UBE2D2: variants seen among roughly 807,000 people sequenced by gnomAD.
The protein encoded by UBE2D2 is ubiquitin conjugating enzyme E2 D2.
A neutral mutation model predicts 24.2 loss-of-function variants in UBE2D2; 2 were observed. The observed-to-expected ratio is 0.08, with a 90% CI of 0.03 to 0.26. UBE2D2 has a LOEUF of 0.26. UBE2D2 is among the 10% of genes least tolerant of loss of function. The probability of loss-of-function intolerance (pLI) is 1.00; values close to 1 mark genes in which losing one functional copy is unlikely to be tolerated. For missense variants in UBE2D2, 44 were observed against 177.6 expected (o/e 0.25, Z 4.28); for synonymous variants, 58 against 56.5 (o/e 1.03, Z -0.12).
At chr5:139,609,138 TAG>T (rs1754260372) in intron 2 of UBE2D2, among the ~76,000 whole-genome samples, 1 of 152,074 alleles carries the variant, frequency 6.6e-6, no homozygotes, top group African/African-American at 2.4e-5. Context: ...TTAAGTCTGG[TAG>T]TAGTATTAGC....
upstream of UBE2D2, among the ~76,000 whole-genome samples, chr5:139,558,539 C>T (rs1473886489): frequency 6.6e-6 from 1 of 152,152 alleles, no homozygotes. Context: ...CCGCCCGCCT[C>T]GGCCTCCCAA....
At chr5:139,547,432 T>A (rs920900374) in intron 1 of UBE2D2, among the ~76,000 whole-genome samples, 7 of 152,022 alleles carry the variant, frequency 4.6e-5, no homozygotes, top group Admixed American at 3.9e-4. Flanking sequence ...GCCAGGATGG[T>A]CTCAATCTCT....
chr5:139,555,051 G>GTT (rs796934983), intron 1 of UBE2D2: 5 of 140,814 alleles, frequency 3.6e-5, no homozygotes, highest in Non-Finnish European at 3.1e-5. Flanking sequence ...TTTGTTTTTT[G>GTT]TTTTTTTTTT....
chr5:139,574,613 C>T (rs908611047), intron 1 of UBE2D2, among the ~76,000 whole-genome samples: 5 of 151,844 alleles, frequency 3.3e-5, no homozygotes, highest in African/African-American at 1.2e-4. Context: ...GATTATTCCC[C>T]TATTTAGACT....
At chr5:139,593,136 C>T (rs1276763902) in intron 1 of UBE2D2, among the ~76,000 whole-genome samples, 5 of 151,716 alleles carry the variant, frequency 3.3e-5, no homozygotes, top group Non-Finnish European at 7.4e-5. Context: ...GCTGGGACTA[C>T]AGGCAAGCGC....
At chr5:139,527,133 G>A (rs1433922732) in intron 1 of UBE2D2, among the ~76,000 whole-genome samples, 2 of 152,198 alleles carry the variant, frequency 1.3e-5, no homozygotes, top group African/African-American at 2.4e-5. Flanking sequence ...AACTTTGTGT[G>A]AAATAGACTG....
intron 1 of UBE2D2, among the ~76,000 whole-genome samples, chr5:139,530,362 T>C (rs2126625670): frequency 6.6e-6 from 1 of 152,282 alleles, no homozygotes; most frequent in South Asian, 2.1e-4. Context: ...ACAGGTGAAC[T>C]TCTAGGCTTC....
intron 5 of UBE2D2, among the ~76,000 whole-genome samples, chr5:139,615,298 C>T (rs1273083033): frequency 2.0e-5 from 3 of 152,146 alleles, no homozygotes; most frequent in Non-Finnish European, 4.4e-5. Context: ...TCCTGGCTAA[C>T]ATGGTGAAAC....
At chr5:139,533,001 G>A (rs566476796) in intron 1 of UBE2D2, among the ~76,000 whole-genome samples, 535 of 151,526 alleles carry the variant, frequency 3.5e-3, no homozygotes, top group Non-Finnish European at 5.6e-3. Flanking sequence ...CCAGCTACTC[G>A]GGAGGCTGAG....
At chr5:139,550,469 T>C (rs1178420249) in intron 1 of UBE2D2, among the ~76,000 whole-genome samples, 1 of 151,958 alleles carries the variant, frequency 6.6e-6, no homozygotes, top group African/African-American at 2.4e-5. Flanking sequence ...TCTCTGCAAA[T>C]GGGCCAATCA....
intron 1 of UBE2D2, among the ~76,000 whole-genome samples, chr5:139,547,978 A>G (rs577661509): frequency 6.6e-6 from 1 of 151,708 alleles, no homozygotes; most frequent in African/African-American, 2.4e-5. Flanking sequence ...TACAGGCGTG[A>G]GCCACCGAGC....
intron 1 of UBE2D2, among the ~76,000 whole-genome samples, chr5:139,575,476 T>C (rs980662958): frequency 4.3e-4 from 66 of 152,188 alleles, no homozygotes; most frequent in African/African-American, 1.5e-3. Flanking sequence ...TGAAGTCTTA[T>C]AATATTTCTA....
chr5:139,613,791 A>G (rs1754370939), intron 2 of UBE2D2, among the ~76,000 whole-genome samples: 1 of 152,158 alleles, frequency 6.6e-6, no homozygotes, highest in South Asian at 2.1e-4. Context: ...TACCAGCATT[A>G]TAAAAGGAGT....
intron 1 of UBE2D2, among the ~76,000 whole-genome samples, chr5:139,571,184 G>A (rs1753344545): frequency 1.3e-5 from 2 of 152,000 alleles, no homozygotes; most frequent in African/African-American, 4.8e-5. Context: ...CGAGGCGGGT[G>A]GATCGTGAGG....
At chr5:139,548,184 T>G (rs75920910) in intron 1 of UBE2D2, among the ~76,000 whole-genome samples, 1 of 46,886 alleles carries the variant, frequency 2.1e-5, no homozygotes, top group Non-Finnish European at 3.5e-5. Flanking sequence ...AAAAAAAAAA[T>G]AAAAAAAAAA....
At chr5:139,583,175 A>AT (rs929112397) in intron 1 of UBE2D2, among the ~76,000 whole-genome samples, 6 of 151,590 alleles carry the variant, frequency 4.0e-5, no homozygotes, top group Non-Finnish European at 7.4e-5. Context: ...GGGTTTCACC[A>AT]TGTTGGCCAG....
At chr5:139,626,570 C>A (rs1435488764) in intron 6 of UBE2D2, among the ~76,000 whole-genome samples, 186 bp from the exon 7 acceptor site, 2 of 152,208 alleles carry the variant, frequency 1.3e-5, no homozygotes, top group Non-Finnish European at 2.9e-5. Flanking sequence ...AGGAGACTTT[C>A]ACATTTTACA....
chr5:139,595,595 C>G (rs1407287195), intron 1 of UBE2D2, among the ~76,000 whole-genome samples: 1 of 152,032 alleles, frequency 6.6e-6, no homozygotes, highest in African/African-American at 2.4e-5. Flanking sequence ...CCAGGCTGGT[C>G]TCGAACTCCT....
chr5:139,590,516 AT>A (rs1753821929), intron 1 of UBE2D2, among the ~76,000 whole-genome samples: 1 of 151,968 alleles, frequency 6.6e-6, no homozygotes, highest in Non-Finnish European at 1.5e-5. Context: ...ATATCTCAAT[AT>A]TTTGAGGGAA....
Sources: gnomAD v4.1 joint callset for allele counts (sites outside exome capture counted in the v4.1 genomes callset) on GRCh38, gnomAD v4.1.1 for gene constraint, MANE v1.5 for transcripts, NCBI Gene and HGNC (gene_info 2026-07-23, HGNC 2026-07-21) for gene names.